The following LRRTM4 variants were observed in gnomAD, a reference collection of about 807,000 sequenced individuals.
The protein encoded by LRRTM4 is leucine rich repeat transmembrane neuronal 4.
Under a neutral mutation model 47.6 loss-of-function variants are expected in LRRTM4, and 25 were observed. The ratio of observed to expected loss-of-function variants is 0.53; its 90% CI spans 0.38 to 0.73. The LOEUF is 0.73. LRRTM4 is among the 30% of genes least tolerant of loss of function. The pLI, the probability that LRRTM4 is intolerant of heterozygous loss-of-function variation, is 0.00. For synonymous variants in LRRTM4, 311 were observed against 269.5 expected, an observed-to-expected ratio of 1.15 and a Z score of -1.51; for missense variants, 638 against 713.4, an observed-to-expected ratio of 0.89 and a Z score of 1.20.
At chr2:77,150,073 G>A (rs1672374749) in intron 3 of LRRTM4, among the ~76,000 whole-genome samples, 2 of 151,966 alleles carry the variant, frequency 1.3e-5, no homozygotes, top group South Asian at 4.1e-4. Flanking sequence ...GTAAAGAATA[G>A]AAGAGCAAAT....
In LRRTM4 at chr2:76,815,901, T is replaced by C. The variant is rs541770843; in HGVS notation, c.1552-66985A>G. ...TGGGGGGTGGGCTCTTCTAAAACTTTCTGAAATTGATTTTATTATCTTCCC... is the reference window on the plus strand; with the variant it reads ...TGGGGGGTGGGCTCTTCTAAAACTTCCTGAAATTGATTTTATTATCTTCCC... On this transcript the variant is annotated intron_variant, in intron 3 of 3. Coordinates refer to ENST00000409884, the MANE Select transcript of LRRTM4 (RefSeq NM_001134745.3). Among the ~76,000 whole-genome samples, 19 of 152,256 alleles carry C rather than the reference T, an allele frequency of 1.2e-4. No homozygotes were observed. In the East Asian group the frequency reaches 3.3e-3, roughly 26 times the overall value.
At chr2:76,889,518 T>C (rs762843930) in intron 3 of LRRTM4, among the ~76,000 whole-genome samples, 4 of 151,920 alleles carry the variant, frequency 2.6e-5, no homozygotes, top group Non-Finnish European at 4.4e-5. Context: ...ATTTGATTTA[T>C]ATGAGTTTGA....
chr2:76,774,916 A>G (rs1049466431), intron 3 of LRRTM4, among the ~76,000 whole-genome samples: 3 of 152,132 alleles, frequency 2.0e-5, no homozygotes, highest in Non-Finnish European at 4.4e-5. Flanking sequence ...GTCTAATGTA[A>G]ATTTGTTTTC....
chr2:77,137,233 G>T (rs940073899), intron 3 of LRRTM4, among the ~76,000 whole-genome samples: 1 of 151,838 alleles, frequency 6.6e-6, no homozygotes, highest in South Asian at 2.1e-4. Flanking sequence ...AAGAAAGCTT[G>T]GGTTATCCAC....
rs552895101 is a variant in LRRTM4 at position 77,430,224 on chromosome 2, G to A, written c.1551+88094C>T. Among the ~76,000 whole-genome samples the A allele has an allele frequency of 3.8e-4, 58 of 152,208 alleles. 3 individuals carry two copies. The South Asian group carries it at 0.011, about 29-fold the overall frequency. On this transcript the variant is annotated intron_variant, in intron 3 of 3. Coordinates refer to ENST00000409884, the MANE Select transcript of LRRTM4 (RefSeq NM_001134745.3). Reference sequence around the variant, plus strand: ...TAGCTAGCTTTAGTTATTCCACAATGTATACATACTTTAAAACATCATGTT... The same window carrying A: ...TAGCTAGCTTTAGTTATTCCACAATATATACATACTTTAAAACATCATGTT...
intron 3 of LRRTM4, among the ~76,000 whole-genome samples, chr2:76,878,812 T>C (rs115877483): frequency 0.014 from 2,198 of 152,100 alleles, 64 homozygotes; most frequent in South Asian, 0.077. Context: ...AGGCGGAACT[T>C]GTGAAGAGCC....
intron 3 of LRRTM4, chr2:76,987,371 C>A (rs929061336): frequency 1.3e-5 from 2 of 151,706 alleles, no homozygotes; most frequent in African/African-American, 4.8e-5. Context: ...TCATAATTGA[C>A]CTTATATGTC....
At chr2:77,511,100 T>C (rs1190997797) in intron 3 of LRRTM4, among the ~76,000 whole-genome samples, 2 of 152,096 alleles carry the variant, frequency 1.3e-5, no homozygotes, top group Non-Finnish European at 2.9e-5. Flanking sequence ...AGTTATGGTG[T>C]ACAGACATCC....
intron 3 of LRRTM4, among the ~76,000 whole-genome samples, chr2:77,091,831 C>T (rs544781523): frequency 1.9e-4 from 28 of 149,378 alleles, no homozygotes; most frequent in Non-Finnish European, 3.6e-4. Flanking sequence ...TAAAAACACA[C>T]GTGCTCTCCC....
intron 3 of LRRTM4, among the ~76,000 whole-genome samples, chr2:76,767,095 A>G (rs1673486225): frequency 6.6e-6 from 1 of 152,116 alleles, no homozygotes; most frequent in South Asian, 2.1e-4. Context: ...CACCCTTTGC[A>G]GATCCTCCCC....
chr2:77,374,563 G>A (rs1451408187), intron 3 of LRRTM4, among the ~76,000 whole-genome samples: 2 of 151,714 alleles, frequency 1.3e-5, no homozygotes, highest in Non-Finnish European at 3.0e-5. Context: ...GGTAATTCTA[G>A]ACTTTACAGT....
chr2:76,889,691 G>A (rs899012609), intron 3 of LRRTM4, among the ~76,000 whole-genome samples: 5 of 151,946 alleles, frequency 3.3e-5, no homozygotes, highest in African/African-American at 1.2e-4. Flanking sequence ...ACTTTAACCT[G>A]AGCAGTGGCC....
At chr2:77,371,314 C>T (rs572789763) in intron 3 of LRRTM4, among the ~76,000 whole-genome samples, 2 of 151,908 alleles carry the variant, frequency 1.3e-5, no homozygotes, top group African/African-American at 4.8e-5. Context: ...AAAAACTCTA[C>T]AGACTGATAC....
chr2:77,082,882 T>A (rs1169015070), intron 3 of LRRTM4, among the ~76,000 whole-genome samples: 1 of 152,118 alleles, frequency 6.6e-6, no homozygotes, highest in Non-Finnish European at 1.5e-5. Context: ...TATTTAATCA[T>A]TTTTATAACA....
At chr2:76,867,329 C>T (rs1011487047) in intron 3 of LRRTM4, among the ~76,000 whole-genome samples, 1 of 152,114 alleles carries the variant, frequency 6.6e-6, no homozygotes, top group Non-Finnish European at 1.5e-5. Flanking sequence ...TTACAACAAA[C>T]TCTGCTAGAA....
rs1039260796 is a variant in LRRTM4, at chr2:77,145,528, C to T, written c.1551+372790G>A. Among the ~76,000 whole-genome samples, 21 of 151,340 alleles carry T rather than the reference C, an allele frequency of 1.4e-4. No individual in the cohort carries two copies. The East Asian group carries it at 1.6e-3, about 11-fold the overall frequency. On this transcript the variant is annotated intron_variant, in intron 3 of 3. Coordinates refer to ENST00000409884, the MANE Select transcript of LRRTM4 (RefSeq NM_001134745.3). ...TCATGCTTGTAATCCCAGCACTTTG[C>T]GAGGCCAAGGCGGGCAGATCATGAG...
At chr2:76,878,383 G>T (rs922807892) in intron 3 of LRRTM4, among the ~76,000 whole-genome samples, 2 of 151,970 alleles carry the variant, frequency 1.3e-5, no homozygotes, top group Non-Finnish European at 2.9e-5. Context: ...GTTTGCAAGT[G>T]AAAGGAAGAG....
At chr2:77,106,796 T>C (rs6708260) in intron 3 of LRRTM4, among the ~76,000 whole-genome samples, 40,826 of 151,746 alleles carry the variant, frequency 0.27, 8,532 homozygotes, top group African/African-American at 0.55. Context: ...ATGATAATAA[T>C]AATAATAATG....
intron 3 of LRRTM4, among the ~76,000 whole-genome samples, chr2:76,790,258 T>C (rs1393455701): frequency 6.6e-6 from 1 of 152,122 alleles, no homozygotes; most frequent in Non-Finnish European, 1.5e-5. Flanking sequence ...TTCTGCTTTG[T>C]CAGTACGGTG....
Sources: allele counts gnomAD v4.1 joint callset (sites outside exome capture counted in the v4.1 genomes callset), GRCh38; gene constraint gnomAD v4.1.1; transcripts MANE v1.5; gene names NCBI Gene and HGNC (gene_info 2026-07-23, HGNC 2026-07-21).